RFX6: variants seen among roughly 807,000 people sequenced by gnomAD.
The protein encoded by RFX6 is regulatory factor X6.
A neutral mutation model predicts 110.8 loss-of-function variants in RFX6; 50 were observed. That is an observed-to-expected ratio of 0.45 (90% CI 0.36 to 0.57). The LOEUF (loss-of-function observed/expected upper bound fraction) is 0.57, where lower values mean the gene tolerates loss of function less well. RFX6 is among the 20% of genes least tolerant of loss of function. The pLI is 0.00. For missense variants in RFX6, 990 were observed against 1,127.0 expected, an observed-to-expected ratio of 0.88 and a Z score of 1.74; for synonymous variants, 383 against 411.2, an observed-to-expected ratio of 0.93 and a Z score of 0.83.
In RFX6 at chr6:116,877,494, A is replaced by G. The variant is rs1292015170; in HGVS notation, c.219A>G (p.Lys73=). The G allele has an allele frequency of 5.1e-6, 8 of 1,555,518 alleles. No homozygotes were observed. In the South Asian group the frequency reaches 8.3e-5, roughly 16 times the overall value. The change falls in exon 1 of 19, where the codon AAA becomes AAG. Residue 73 remains lysine (K), a synonymous_variant. Transcript: ENST00000332958. ...ACCCGGAGCTGCCGGGGGCAGTGAA[A>G]TCAGGTGAGTGCTCTGCCGCATCCG... ...GEDPELPGAV[K]SEMHLNNGNF...
chr6:116,889,195 T>C (rs992924564), intron 4 of RFX6, among the ~76,000 whole-genome samples: 5 of 152,130 alleles, frequency 3.3e-5, no homozygotes, highest in African/African-American at 1.2e-4. Flanking sequence ...TCAATCTCAG[T>C]GTTTTACTGA....
intron 4 of RFX6, among the ~76,000 whole-genome samples, chr6:116,889,714 T>A (rs982937028): frequency 1.3e-5 from 2 of 152,122 alleles, no homozygotes; most frequent in African/African-American, 4.8e-5. Flanking sequence ...TTAAAGGAGT[T>A]AGTAGACTTC....
At chr6:116,898,330 T>C (rs543946947) in intron 6 of RFX6, among the ~76,000 whole-genome samples, 2 of 152,142 alleles carry the variant, frequency 1.3e-5, no homozygotes, top group East Asian at 1.9e-4. Flanking sequence ...GGATTTGGGA[T>C]TTTTTGTTTT....
At position 116,912,709 on chromosome 6, in the gene RFX6, G is replaced by A. The variant is rs1054786453; in HGVS notation, c.780+1667G>A. ...AAATATACCTGGTGAGAGAGAGAGGGGGACCAAAAAGGCAAGCAACAAAGA... is the reference window on the plus strand; with the variant it reads ...AAATATACCTGGTGAGAGAGAGAGGAGGACCAAAAAGGCAAGCAACAAAGA... On this transcript the variant is annotated intron_variant, in intron 7 of 18. Transcript: ENST00000332958. 2.6e-5 allele frequency among the ~76,000 whole-genome samples: 4 copies of A among 152,130 alleles called. No homozygotes were observed. The South Asian group carries it at 8.3e-4, about 32-fold the overall frequency.
At chr6:116,919,321 C>A in intron 11 of RFX6, 25 bp downstream of exon 11, 2 of 1,597,588 alleles carry the variant, frequency 1.3e-6, no homozygotes, top group Non-Finnish European at 1.7e-6. Flanking sequence ...AAGTCGAGAG[C>A]ATTTGAGTCA....
Position 116,922,157 on chromosome 6 carries a change from T to G in RFX6, c.1437+6T>G. The G allele has an allele frequency of 8.3e-7, 1 of 1,211,984 alleles. No individual in the cohort carries two copies. Among genetic ancestry groups the G allele is most frequent in the African/African-American group, 1.5e-5 (1 of 67,064 alleles). 75.1% of individuals were successfully genotyped at this position (1,211,984 alleles called of 1,614,324 possible). A position where few individuals can be genotyped will look rare whatever the true frequency, so the allele number is the denominator to read the frequency against. On this transcript the variant is annotated splice_donor_region_variant and intron_variant, in intron 13 of 18. Transcript: ENST00000332958. ...TAGAACAGAGAGTTATTAAGGTACT[T>G]TTTAATGACAGATTCAGAAAATAAG... is the stretch of plus-strand genomic sequence containing the variant.
chr6:116,904,162 TTTGGATTTTTA>T (rs777556663), intron 6 of RFX6, among the ~76,000 whole-genome samples: 234 of 152,090 alleles, frequency 1.5e-3, no homozygotes, highest in Non-Finnish European at 1.8e-3. Flanking sequence ...AGAATATATT[TTTGGATTTTTA>T]TTGGTCGATT....
chr6:116,929,942 GA>G (rs1775845897), intron 18 of RFX6, among the ~76,000 whole-genome samples: 1 of 152,208 alleles, frequency 6.6e-6, no homozygotes. Flanking sequence ...TCCCTGAGCA[GA>G]ATCTAGCAGC....
chr6:116,915,860 G>T (rs1276420278), intron 7 of RFX6, 148 bp from the exon 8 acceptor site: 2 of 689,122 alleles, frequency 2.9e-6, no homozygotes, highest in African/African-American at 3.6e-5. Flanking sequence ...CTTGAAATAA[G>T]AATTTTGCCT....
rs776378528 is a variant in RFX6 at position 116,927,257 on chromosome 6, G to A, written c.2116G>A (p.Val706Met). ...FYSTSSNYQT[V>M]FRAQPHSTSG... is the part of the protein sequence containing the mutation. ...TAGCACCAGCTCTAACTACCAGACT[G>A]TGTTTAGGGCACAGCCCCACTCCAC... The change falls in exon 17 of 19, where the codon GTG (valine) becomes ATG (methionine). Residue 706 changes from valine (V) to methionine (M), a missense_variant. Val to Met is a conservative substitution (Grantham distance 21). This residue lies in a region of RFX6 where 438 missense variants were observed against 441.9 expected (regional missense o/e 0.99). Coordinates refer to ENST00000332958, the MANE Select transcript of RFX6 (RefSeq NM_173560.4). 6.2e-6 allele frequency: 10 copies of A among 1,614,176 alleles called. No individual in the cohort carries two copies. In the Admixed American group the frequency reaches 1.2e-4, roughly 19 times the overall value.
rs1167654387 is a variant in RFX6, at chr6:116,920,346, A to C, written c.1219A>C (p.Asn407His). Residue 407 changes from asparagine (N) to histidine (H), a missense_variant, in exon 12 of 19, where the codon AAT becomes CAT. Around this residue, in one of 5 missense-constraint regions of RFX6, gnomAD observed 243 missense variants for 353.1 expected, o/e 0.69. Transcript: ENST00000332958. ...AGCTCTCTTTGACCAGCATGTCGTT[A>C]ATTCTATGGTGTCTGATATTGAAAG... Reference protein sequence around the residue: ...RPALFDQHVVNSMVSDIERVD... With the variant: ...RPALFDQHVVHSMVSDIERVD... 1.2e-6 allele frequency: 2 copies of C among 1,612,214 alleles called. No homozygotes were observed. Among genetic ancestry groups the C allele is most frequent in the Non-Finnish European group, 1.7e-6 (2 of 1,178,386 alleles).
In RFX6 at chr6:116,914,732, T is replaced by C. The variant is rs1178782828; in HGVS notation, c.781-1276T>C. On this transcript the variant is annotated intron_variant, in intron 7 of 18. Transcript: ENST00000332958. ...GGGAATAAAGGGAAATGCAAAGGGT[T>C]AGGATAGGACACCTCCATCACCACC... Among the ~76,000 whole-genome samples, 3 of 152,172 alleles carry C rather than the reference T, an allele frequency of 2.0e-5. No individual in the cohort carries two copies. In the South Asian group the frequency reaches 6.2e-4, roughly 31 times the overall value.
intron 4 of RFX6, chr6:116,885,082 G>A (rs1002343242): frequency 6.6e-6 from 1 of 151,956 alleles, no homozygotes; most frequent in Non-Finnish European, 1.5e-5. Context: ...AATATCCTTA[G>A]CTTTTATCTT....
At chr6:116,895,653 C>T (rs1251997741) in intron 6 of RFX6, among the ~76,000 whole-genome samples, 2 of 151,612 alleles carry the variant, frequency 1.3e-5, no homozygotes. Flanking sequence ...TGTACACACA[C>T]ACACACACAC....
chr6:116,916,090 G>C lies in RFX6; in HGVS notation c.858+5G>C. 6.3e-7 allele frequency: 1 copy of C among 1,591,198 alleles called. No individual in the cohort carries two copies. Among genetic ancestry groups the C allele is most frequent in the Non-Finnish European group, 8.6e-7 (1 of 1,159,572 alleles). On this transcript the variant is annotated splice_donor_5th_base_variant and intron_variant, in intron 8 of 18. Coordinates refer to ENST00000332958, the MANE Select transcript of RFX6 (RefSeq NM_173560.4). ...ATTAATGGAAACTTTGAAGAGGTAA[G>C]AATGACAAAGAATGCTTTATTTGAC... is the stretch of plus-strand genomic sequence containing the variant.
Position 116,920,443 on chromosome 6 carries a change from T to A in RFX6, c.1316T>A (p.Ile439Asn). Reference sequence around the variant, plus strand: ...GGCAGCACAGACACTGAATCTGGTATCTACACTGAACGTAAGTCCATTCTC... The same window carrying A: ...GGCAGCACAGACACTGAATCTGGTAACTACACTGAACGTAAGTCCATTCTC... ...ISGSTDTESG[I>N]YTEHDSITVF... The change falls in exon 12 of 19, where the codon ATC becomes AAC. Residue 439 changes from isoleucine to asparagine, a missense_variant. By Grantham distance (149) the Ile-to-Asn change is moderately radical. Around this residue, in one of 5 missense-constraint regions of RFX6, gnomAD observed 45 missense variants for 29.3 expected, o/e 1.53. Transcript: ENST00000332958. 2 of 1,613,460 alleles carry A rather than the reference T, an allele frequency of 1.2e-6. No individual in the cohort carries two copies. Among genetic ancestry groups the A allele is most frequent in the Non-Finnish European group, 1.7e-6 (2 of 1,179,402 alleles).
At position 116,877,417 on chromosome 6, in the gene RFX6, G is replaced by A. The variant is rs1334072562; in HGVS notation, c.142G>A (p.Ala48Thr). Residue 48 changes from alanine (A) to threonine (T), a missense_variant, in exon 1 of 19, where the codon GCG becomes ACG. Physicochemically the swap from Ala to Thr is moderately conservative, Grantham distance 58. This residue lies in a region of RFX6 where 175 missense variants were observed against 162.3 expected (regional missense o/e 1.08). Coordinates refer to ENST00000332958, the MANE Select transcript of RFX6 (RefSeq NM_173560.4). Reference sequence around the variant, plus strand: ...CTATCCGGAAGAAACAGTGTACCTGGCGGCCGAAGGGCAGCCCGGGGGCGA... The same window carrying A: ...CTATCCGGAAGAAACAGTGTACCTGACGGCCGAAGGGCAGCCCGGGGGCGA... The part of the protein sequence containing the change: ...LVYPEETVYL[A>T]AEGQPGGEQG... 6.2e-7 allele frequency: 1 copy of A among 1,601,360 alleles called. No individual in the cohort carries two copies. The highest frequency in any genetic ancestry group is 1.1e-5 in the South Asian group (1 of 88,850).
At chr6:116,904,712 T>G (rs1397864961) in intron 6 of RFX6, among the ~76,000 whole-genome samples, 1 of 152,198 alleles carries the variant, frequency 6.6e-6, no homozygotes, top group Non-Finnish European at 1.5e-5. Flanking sequence ...CATTCTACTT[T>G]CTGTCTCTAT....
chr6:116,902,014 G>A (rs962351261), intron 6 of RFX6, among the ~76,000 whole-genome samples: 8 of 151,960 alleles, frequency 5.3e-5, no homozygotes, highest in African/African-American at 9.7e-5. Flanking sequence ...GGGTATGAGC[G>A]AATGAATGAT....
Sources: allele counts gnomAD v4.1 joint callset (sites outside exome capture counted in the v4.1 genomes callset), GRCh38; gene constraint gnomAD v4.1.1; regional missense constraint gnomAD v4.1.1; transcripts MANE v1.5; gene names NCBI Gene and HGNC (gene_info 2026-07-23, HGNC 2026-07-21).